DTNA: variants seen among roughly 807,000 people sequenced by gnomAD.
DTNA encodes dystrophin-related protein 3.
DTNA carries 43 observed loss-of-function variants against 100.7 expected under a neutral mutation model. The observed-to-expected ratio is 0.43, with a 90% CI of 0.33 to 0.55. The LOEUF (loss-of-function observed/expected upper bound fraction) is 0.55, where lower values mean the gene tolerates loss of function less well. Ranked by LOEUF, DTNA falls within the 20% of genes least tolerant of loss-of-function variation. DTNA has a pLI of 0.04. For synonymous variants in DTNA, 349 were observed against 347.9 expected (o/e 1.00, Z -0.04); for missense variants, 798 against 953.9 (o/e 0.84, Z 2.15).
At chr18:34,754,870 A>G (rs1402157532) in intron 1 of DTNA, among the ~76,000 whole-genome samples, 2 of 152,204 alleles carry the variant, frequency 1.3e-5, no homozygotes, top group Non-Finnish European at 2.9e-5. Context: ...AAGTTGGGGA[A>G]GATTTCAGAG....
Position 34,702,073 on chromosome 18 carries a change from C to T in DTNA, c.-1-53903C>T, listed in dbSNP as rs1195093770. Among the ~76,000 whole-genome samples the T allele has an allele frequency of 2.8e-5, 4 of 145,158 alleles. No individual in the cohort carries two copies. The East Asian group carries it at 5.8e-4, about 21-fold the overall frequency. On this transcript the variant is annotated intron_variant, in intron 1 of 19. Coordinates refer to the DTNA transcript ENST00000283365. ...CTAACATGGGCTTCAAAGTCCTGGT[C>T]CCTGTGTGACCCTGTCCCCATCTGC...
chr18:34,875,698 A>AT (rs913826350), intron 18 of DTNA, among the ~76,000 whole-genome samples: 73 of 152,114 alleles, frequency 4.8e-4, no homozygotes, highest in African/African-American at 1.3e-3. Flanking sequence ...AATGTAATCT[A>AT]TTTTTTTTAA....
intron 1 of DTNA, among the ~76,000 whole-genome samples, chr18:34,613,803 T>C (rs960095873): frequency 6.6e-6 from 1 of 152,190 alleles, no homozygotes; most frequent in Non-Finnish European, 1.5e-5. Flanking sequence ...CAGAACAAGG[T>C]GAAGTACCAA....
intron 17 of DTNA, chr18:34,866,594 GAAA>G: frequency 9.9e-7 from 1 of 1,010,818 alleles, no homozygotes. Context: ...TCATTTTACT[GAAA>G]ACCTGTGAAA....
At chr18:34,684,460 C>G (rs1008421081) in intron 1 of DTNA, among the ~76,000 whole-genome samples, 8 of 152,116 alleles carry the variant, frequency 5.3e-5, no homozygotes, top group African/African-American at 1.4e-4. Flanking sequence ...CATCCATATT[C>G]CTGTAAAGGA....
At chr18:34,506,985 G>A (rs1038593232) in intron 1 of DTNA, among the ~76,000 whole-genome samples, 2 of 152,202 alleles carry the variant, frequency 1.3e-5, no homozygotes, top group Non-Finnish European at 2.9e-5. Context: ...AAACCTCAGA[G>A]GGTTACTGCT....
chr18:34,501,693 T>G (rs1251785424), intron 1 of DTNA, among the ~76,000 whole-genome samples: 1 of 152,178 alleles, frequency 6.6e-6, no homozygotes, highest in Non-Finnish European at 1.5e-5. Context: ...ACAGACTGGG[T>G]GGCTTAAACA....
chr18:34,547,528 T>G (rs769804863), intron 1 of DTNA, among the ~76,000 whole-genome samples: 7 of 152,146 alleles, frequency 4.6e-5, no homozygotes, highest in Non-Finnish European at 1.0e-4. Context: ...GCATAAGGCC[T>G]AACTCAATGA....
chr18:34,608,918 C>T (rs185775259), intron 1 of DTNA, among the ~76,000 whole-genome samples: 2 of 152,298 alleles, frequency 1.3e-5, no homozygotes, highest in African/African-American at 2.4e-5. Flanking sequence ...ACCTAGAGCA[C>T]GTTGGCTTAA....
intron 1 of DTNA, among the ~76,000 whole-genome samples, chr18:34,560,158 C>G (rs1479355152): frequency 6.6e-6 from 1 of 152,148 alleles, no homozygotes; most frequent in African/African-American, 2.4e-5. Flanking sequence ...TAATCATCCT[C>G]TCTGGGTTAG....
At chr18:34,518,162 A>T (rs73424171) in intron 1 of DTNA, among the ~76,000 whole-genome samples, 2,029 of 152,246 alleles carry the variant, frequency 0.013, 48 homozygotes, top group African/African-American at 0.047. Flanking sequence ...GGTTTTACTA[A>T]GCGTTTCCTT....
At chr18:34,673,723 G>C (rs1447075803) in intron 1 of DTNA, among the ~76,000 whole-genome samples, 2 of 152,150 alleles carry the variant, frequency 1.3e-5, no homozygotes, top group African/African-American at 4.8e-5. Flanking sequence ...TACATTCATT[G>C]CTGAAGGTAT....
rs10502637 is a variant in DTNA, at chr18:34,890,006, C to T, written c.*2272C>T. The stretch of plus-strand genomic sequence containing the variant: ...TCCCAGCTACCTATAATGCTGTCAG[C>T]TCAAAATCATAGCCAGGTAGTTCTT... On this transcript the variant is annotated 3_prime_UTR_variant, in exon 23 of 23. Transcript: ENST00000444659. 0.1 allele frequency: 126,995 copies of T among 1,217,816 alleles called. 7,012 individuals are homozygous for T. Among genetic ancestry groups the T allele is most frequent in the South Asian group, 0.13 (5,324 of 40,620 alleles). 75.4% of individuals were successfully genotyped at this position (1,217,816 alleles called of 1,614,324 possible). A position where few individuals can be genotyped will look rare whatever the true frequency, so the allele number is the denominator to read the frequency against.
At chr18:34,814,480 T>C (rs2095552740) in intron 6 of DTNA, among the ~76,000 whole-genome samples, 1 of 151,570 alleles carries the variant, frequency 6.6e-6, no homozygotes, top group Admixed American at 6.6e-5. Flanking sequence ...AGTCCAGCAG[T>C]TCAAGACCAG....
intron 1 of DTNA, among the ~76,000 whole-genome samples, chr18:34,587,680 G>T (rs572119828): frequency 5.3e-4 from 81 of 152,244 alleles, no homozygotes; most frequent in Non-Finnish European, 1.0e-3. Context: ...CTCCCAGGTT[G>T]TGTAGCTAAC....
intron 1 of DTNA, among the ~76,000 whole-genome samples, chr18:34,682,796 G>C (rs1437255999): frequency 2.6e-5 from 4 of 151,524 alleles, no homozygotes; most frequent in South Asian, 2.1e-4. Context: ...TCTTATTTCT[G>C]TCTTCGCTTG....
At chr18:34,760,252 T>C (rs2093054752) in intron 2 of DTNA, among the ~76,000 whole-genome samples, 1 of 152,090 alleles carries the variant, frequency 6.6e-6, no homozygotes, top group Non-Finnish European at 1.5e-5. Context: ...CCCCAGAAAT[T>C]CTCTCTATGT....
intron 1 of DTNA, among the ~76,000 whole-genome samples, chr18:34,687,553 G>T (rs2079087607): frequency 6.6e-6 from 1 of 151,998 alleles, no homozygotes; most frequent in Non-Finnish European, 1.5e-5. Flanking sequence ...GGAGTGTTTT[G>T]CTTCCAATTA....
At chr18:34,621,180 A>G (rs2056427247) in intron 1 of DTNA, among the ~76,000 whole-genome samples, 1 of 148,418 alleles carries the variant, frequency 6.7e-6, no homozygotes, top group Non-Finnish European at 1.5e-5. Context: ...TATATATTAT[A>G]TATAATATGT....
Sources: gnomAD v4.1 joint callset for allele counts (sites outside exome capture counted in the v4.1 genomes callset) on GRCh38, gnomAD v4.1.1 for gene constraint, MANE v1.5 for transcripts, NCBI Gene and HGNC (gene_info 2026-07-23, HGNC 2026-07-21) for gene names.